DCDC1: variants seen among roughly 807,000 people sequenced by gnomAD.
DCDC1 encodes the protein doublecortin domain-containing protein 1.
A neutral mutation model predicts 178.3 loss-of-function variants in DCDC1; 200 were observed. That is an observed-to-expected ratio of 1.12 (90% CI 1.00 to 1.26). The LOEUF is 1.26. Ranked by LOEUF, DCDC1 falls within the 50% of genes most tolerant of loss-of-function variation. The probability of loss-of-function intolerance (pLI) is 0.00; values close to 1 mark genes in which losing one functional copy is unlikely to be tolerated. For missense variants in DCDC1, 1,983 were observed against 1,749.2 expected (o/e 1.13, Z -2.38); for synonymous variants, 690 against 604.8 (o/e 1.14, Z -2.07).
chr11:31,092,257 A>G (rs1483229182), intron 16 of DCDC1, among the ~76,000 whole-genome samples: 1 of 152,182 alleles, frequency 6.6e-6, no homozygotes, highest in Non-Finnish European at 1.5e-5. Flanking sequence ...TTTATTTCTC[A>G]TGTGTTTGCA....
chr11:30,883,626 G>A (rs973400473), intron 36 of DCDC1: 3 of 234,944 alleles, frequency 1.3e-5, no homozygotes, highest in African/African-American at 2.3e-5. Flanking sequence ...TTTACACTTC[G>A]TTTTCTGTAA....
intron 9 of DCDC1, among the ~76,000 whole-genome samples, chr11:31,216,719 G>A (rs1276907550): frequency 6.6e-6 from 1 of 152,168 alleles, no homozygotes; most frequent in Non-Finnish European, 1.5e-5. Flanking sequence ...GACAGTACTA[G>A]TTACTCAGGG....
intron 18 of DCDC1, among the ~76,000 whole-genome samples, chr11:31,072,779 TATC>T (rs1956645550): frequency 2.0e-5 from 3 of 152,146 alleles, no homozygotes; most frequent in Admixed American, 1.3e-4. Context: ...TCATTATTAT[TATC>T]ATTATTAGCT....
chr11:31,248,588 C>T (rs1445994387), intron 8 of DCDC1, among the ~76,000 whole-genome samples: 1 of 151,914 alleles, frequency 6.6e-6, no homozygotes, highest in East Asian at 1.9e-4. Flanking sequence ...CAGTTTGGTA[C>T]CCTTGAATGT....
intron 8 of DCDC1, among the ~76,000 whole-genome samples, chr11:31,242,619 A>ACCGGCAAAGAAAATAGGT (rs563061591): frequency 4.1e-4 from 63 of 152,044 alleles, no homozygotes; most frequent in African/African-American, 1.4e-3. Flanking sequence ...TAAATAGATC[A>ACCGGCAAAGAAAATAGGT]CCGGCAAAGA....
At chr11:31,345,352 C>G (rs1275512071) in intron 1 of DCDC1, among the ~76,000 whole-genome samples, 1 of 152,144 alleles carries the variant, frequency 6.6e-6, no homozygotes, top group Non-Finnish European at 1.5e-5. Context: ...GAATTCAGGT[C>G]TGGGGCTAGA....
At chr11:31,009,567 A>T (rs575540415) in intron 20 of DCDC1, among the ~76,000 whole-genome samples, 21 of 151,900 alleles carry the variant, frequency 1.4e-4, no homozygotes, top group Non-Finnish European at 2.1e-4. Context: ...CAAATTTGAG[A>T]CCCTGAGAAT....
chr11:31,096,363 C>G (rs1358775801), intron 15 of DCDC1, among the ~76,000 whole-genome samples: 1 of 152,162 alleles, frequency 6.6e-6, no homozygotes, highest in Non-Finnish European at 1.5e-5. Context: ...CCTCCTAACT[C>G]CAAGTTGCCA....
At chr11:31,150,410 G>C (rs1965035061) in intron 9 of DCDC1, among the ~76,000 whole-genome samples, 1 of 152,040 alleles carries the variant, frequency 6.6e-6, no homozygotes, top group South Asian at 2.1e-4. Flanking sequence ...GAAAAATCAA[G>C]TCTCAAAAAG....
At chr11:30,942,894 C>T (rs557850398) in intron 21 of DCDC1, among the ~76,000 whole-genome samples, 9 of 152,322 alleles carry the variant, frequency 5.9e-5, no homozygotes, top group Middle Eastern at 3.4e-3. Context: ...CTACTACTGT[C>T]GGTTCTTCCT....
At chr11:31,008,604 T>G (rs1951991713) in intron 20 of DCDC1, among the ~76,000 whole-genome samples, 2 of 152,318 alleles carry the variant, frequency 1.3e-5, no homozygotes, top group South Asian at 4.1e-4. Context: ...CTCAGTTTCT[T>G]TTGTAAAACA....
At chr11:31,011,796 T>A (rs1484531160) in intron 20 of DCDC1, among the ~76,000 whole-genome samples, 1 of 152,238 alleles carries the variant, frequency 6.6e-6, no homozygotes, top group South Asian at 2.1e-4. Flanking sequence ...TGTAAAATTA[T>A]TCAGTAAGTA....
intron 20 of DCDC1, among the ~76,000 whole-genome samples, chr11:30,978,828 C>CACACACA (rs1565147912): frequency 0.037 from 4,656 of 126,908 alleles, 286 homozygotes; most frequent in African/African-American, 0.12. Context: ...ACACACACAC[C>CACACACA]CCCTTCTCAG....
intron 6 of DCDC1, among the ~76,000 whole-genome samples, chr11:31,302,962 T>A (rs1351825739): frequency 3.9e-5 from 6 of 152,176 alleles, no homozygotes; most frequent in African/African-American, 1.4e-4. Context: ...TAAAATAAGA[T>A]CCATTTGATT....
chr11:31,279,490 C>T (rs934906927), intron 7 of DCDC1, among the ~76,000 whole-genome samples: 2 of 152,094 alleles, frequency 1.3e-5, no homozygotes, highest in African/African-American at 4.8e-5. Flanking sequence ...TTGAAGCCAA[C>T]TCAAATGCTC....
intron 9 of DCDC1, among the ~76,000 whole-genome samples, chr11:31,158,561 T>C (rs1424194706): frequency 2.6e-5 from 4 of 152,228 alleles, no homozygotes; most frequent in Non-Finnish European, 5.9e-5. Flanking sequence ...ACCATCACTC[T>C]ACTCTCTGCT....
intron 9 of DCDC1, among the ~76,000 whole-genome samples, chr11:31,180,307 A>C (rs533480507): frequency 3.3e-5 from 5 of 152,342 alleles, no homozygotes; most frequent in East Asian, 1.9e-4. Context: ...CTCACCACAA[A>C]GAAATAATTA....
intron 9 of DCDC1, among the ~76,000 whole-genome samples, chr11:31,226,377 G>C (rs1326944994): frequency 1.3e-5 from 2 of 151,664 alleles, no homozygotes; most frequent in Non-Finnish European, 2.9e-5. Flanking sequence ...AGTATTTTAA[G>C]ACATAAAGGC....
chr11:31,259,863 T>C (rs1203569220), intron 8 of DCDC1, among the ~76,000 whole-genome samples: 1 of 152,202 alleles, frequency 6.6e-6, no homozygotes, highest in Non-Finnish European at 1.5e-5. Flanking sequence ...GTCTCTGTTA[T>C]GGTCTTTGGC....
Sources: gnomAD v4.1 joint callset for allele counts (sites outside exome capture counted in the v4.1 genomes callset) on GRCh38, gnomAD v4.1.1 for gene constraint, MANE v1.5 for transcripts, NCBI Gene and HGNC (gene_info 2026-07-23, HGNC 2026-07-21) for gene names.